TEX14: variants seen among roughly 807,000 people sequenced by gnomAD.
TEX14 encodes testis expressed 14, intercellular bridge forming factor, also known as inactive serine/threonine-protein kinase TEX14.
In TEX14, 168 loss-of-function variants were observed where a neutral mutation model predicts 178.6. That is an observed-to-expected ratio of 0.94 (90% CI 0.83 to 1.07). The LOEUF is 1.07. Ranked by LOEUF, TEX14 falls within the 50% of genes least tolerant of loss-of-function variation. TEX14 has a pLI of 0.00. For missense variants in TEX14, 1,730 were observed against 1,753.6 expected, an observed-to-expected ratio of 0.99 and a Z score of 0.24; for synonymous variants, 626 against 634.1, an observed-to-expected ratio of 0.99 and a Z score of 0.19.
rs1466677633 is a variant in TEX14 at position 58,599,552 on chromosome 17, C to A, written c.1793G>T (p.Cys598Phe). 30 of 1,613,932 alleles carry A rather than the reference C, an allele frequency of 1.9e-5. No homozygotes were observed. Among genetic ancestry groups the A allele is most frequent in the Non-Finnish European group, 2.5e-5 (29 of 1,180,006 alleles). ...CTCTTCTGCCATAAATGGAGCAGGG[C>A]AAGGAGCATCTTGATTCTGAGTCTC... ...ARETQNQDAP[C>F]PAPFMAEEAS... The change falls in exon 14 of 32, where the codon TGC (cysteine) becomes TTC (phenylalanine). Residue 598 changes from cysteine to phenylalanine, a missense_variant. Physicochemically the swap from Cys to Phe is radical, Grantham distance 205. Coordinates refer to ENST00000349033, the MANE Select transcript of TEX14 (RefSeq NM_031272.5).
At chr17:58,644,463 G>GTTGGGATT (rs2046648198) in intron 2 of TEX14, among the ~76,000 whole-genome samples, 1 of 151,994 alleles carries the variant, frequency 6.6e-6, no homozygotes. Flanking sequence ...CTCCCAAGTA[G>GTTGGGATT]CTGGGATTAC....
rs1042272003 is a variant in TEX14 at position 58,680,090 on chromosome 17, T to C, written c.-2+11849A>G. Among the ~76,000 whole-genome samples, 38 of 147,242 alleles carry C rather than the reference T, an allele frequency of 2.6e-4. 1 individual carries two copies. The highest frequency in any genetic ancestry group is 4.8e-4 in the Admixed American group (7 of 14,632). The stretch of plus-strand genomic sequence containing the variant: ...CTATGGTGTCTTTTTTCTTTTTTTT[T>C]CCCCCCAGAGACAAAGTCTTGCTTT... On this transcript the variant is annotated intron_variant, in intron 1 of 31. Coordinates refer to ENST00000349033, the MANE Select transcript of TEX14 (RefSeq NM_031272.5).
At chr17:58,647,668 C>A (rs1260941792) in intron 2 of TEX14, among the ~76,000 whole-genome samples, 2 of 150,630 alleles carry the variant, frequency 1.3e-5, no homozygotes, top group African/African-American at 4.9e-5. Flanking sequence ...AATCTTTCAA[C>A]AAATTCCAAT....
At chr17:58,572,701 A>ATT (rs2044565392) in intron 23 of TEX14, among the ~76,000 whole-genome samples, 1 of 152,170 alleles carries the variant, frequency 6.6e-6, no homozygotes, top group Non-Finnish European at 1.5e-5. Flanking sequence ...TGGTATAAAA[A>ATT]ATAATAGTCT....
At chr17:58,611,460 A>G (rs1275311657) in intron 9 of TEX14, 121 bp from the exon 10 acceptor site, 3 of 727,704 alleles carry the variant, frequency 4.1e-6, no homozygotes, top group Non-Finnish European at 6.8e-6. Context: ...TCCCCATTTT[A>G]CAGATGGAGA....
At chr17:58,653,779 T>C (rs1375946577) in intron 1 of TEX14, among the ~76,000 whole-genome samples, 4 of 152,236 alleles carry the variant, frequency 2.6e-5, no homozygotes, top group Non-Finnish European at 5.9e-5. Context: ...TAACCATGGC[T>C]CAGTGCCCCC....
chr17:58,621,671 C>G lies in TEX14; in HGVS notation c.533G>C (p.Trp178Ser). The G allele has an allele frequency of 6.2e-7, 1 of 1,613,970 alleles. No homozygotes were observed. Among genetic ancestry groups the G allele is most frequent in the African/African-American group, 1.3e-5 (1 of 75,044 alleles). ...TCACCCCTGCACGAGGCCCCCACACCAGGACGGGCTGTAGACAAGCCGCTG... is the reference window on the plus strand; with the variant it reads ...TCACCCCTGCACGAGGCCCCCACACGAGGACGGGCTGTAGACAAGCCGCTG... The part of the protein sequence containing the change: ...SPQRLVYSPS[W>S]CGGLVQGNPN... Residue 178 changes from tryptophan (W) to serine (S), a missense_variant, in exon 5 of 32, where the codon TGG becomes TCG. Trp to Ser is a radical substitution (Grantham distance 177). This residue lies in a region of TEX14 where 789 missense variants were observed against 681.2 expected (regional missense o/e 1.16). Transcript: ENST00000349033.
chr17:58,606,695 C>G (rs1218028170), intron 10 of TEX14, among the ~76,000 whole-genome samples: 2 of 151,666 alleles, frequency 1.3e-5, no homozygotes, highest in Non-Finnish European at 2.9e-5. Flanking sequence ...GACTGAGCCA[C>G]TGCACTCCAG....
intron 1 of TEX14, among the ~76,000 whole-genome samples, chr17:58,691,718 C>T (rs1054445591): frequency 5.3e-5 from 8 of 150,844 alleles, no homozygotes; most frequent in Non-Finnish European, 1.0e-4. Flanking sequence ...TTACCCCCTG[C>T]TAAATAAGTT....
At chr17:58,574,418 C>G (rs993688022) in intron 21 of TEX14, among the ~76,000 whole-genome samples, 169 bp from the exon 22 acceptor site, 7 of 152,162 alleles carry the variant, frequency 4.6e-5, no homozygotes, top group Admixed American at 4.6e-4. Context: ...TGGCTCACGT[C>G]TGTAATCCCA....
chr17:58,660,405 AAAAT>A lies in TEX14; in HGVS notation c.-1-8407_-1-8404del, dbSNP rs372878040. 71 of 385,850 alleles carry A rather than the reference AAAAT, an allele frequency of 1.8e-4. 1 individual carries two copies. The highest frequency in any genetic ancestry group is 1.2e-3 in the African/African-American group (58 of 48,014). The allele number at this position is 385,850 out of a possible 1,614,324, so 23.9% of individuals were successfully genotyped here. A position where few individuals can be genotyped will look rare whatever the true frequency, so the allele number is the denominator to read the frequency against. ...GACAAGTAAAAAACTCCATCTCAAA[AAAAT>A]AAATAAAATAATAATAATAATTTAA... On this transcript the variant is annotated intron_variant, in intron 1 of 31. Transcript: ENST00000349033.
chr17:58,601,305 G>A (rs1381667282), intron 13 of TEX14, among the ~76,000 whole-genome samples: 2 of 151,958 alleles, frequency 1.3e-5, no homozygotes, highest in African/African-American at 2.4e-5. Context: ...GGTGGATCAC[G>A]AGGTCAGGAA....
chr17:58,572,800 G>A (rs1276917677), intron 23 of TEX14, among the ~76,000 whole-genome samples: 1 of 152,198 alleles, frequency 6.6e-6, no homozygotes, highest in African/African-American at 2.4e-5. Context: ...ACTAAAGAGA[G>A]GATATTTGAT....
At chr17:58,584,919 C>T (rs1447575933) in intron 18 of TEX14, among the ~76,000 whole-genome samples, 1 of 152,142 alleles carries the variant, frequency 6.6e-6, no homozygotes, top group East Asian at 1.9e-4. Context: ...AACTTATAAA[C>T]AACTGTGAAA....
chr17:58,586,263 CAG>C (rs924035865), intron 17 of TEX14, among the ~76,000 whole-genome samples, 181 bp from the exon 18 acceptor site: 2 of 152,014 alleles, frequency 1.3e-5, no homozygotes, highest in Non-Finnish European at 2.9e-5. Context: ...GAATTGATGA[CAG>C]AGAGAGAGAA....
Position 58,677,115 on chromosome 17 carries a change from G to A in TEX14, c.-2+14824C>T, listed in dbSNP as rs377150484. 2.5e-3 allele frequency among the ~76,000 whole-genome samples: 292 copies of A among 117,132 alleles called. 2 individuals are homozygous for A. Among genetic ancestry groups the A allele is most frequent in the African/African-American group, 9.7e-3 (280 of 28,820 alleles). 76.8% of individuals were successfully genotyped at this position (117,132 alleles called of 152,430 possible). On this transcript the variant is annotated intron_variant, in intron 1 of 31. Transcript: ENST00000349033. The stretch of plus-strand genomic sequence containing the variant: ...GCCTGGGCAACAAGAGGGAAACTCC[G>A]TCTCAAAAAAAAAAAAAAAAAAAAA...
chr17:58,660,363 T>G (rs1485458242), intron 1 of TEX14: 1 of 279,834 alleles, frequency 3.6e-6, no homozygotes, highest in Non-Finnish European at 6.5e-6. Context: ...ATCGCGCCAT[T>G]GCACTCTAAC....
intron 1 of TEX14, among the ~76,000 whole-genome samples, chr17:58,683,931 G>T (rs1321989348): frequency 6.6e-6 from 1 of 151,244 alleles, no homozygotes; most frequent in African/African-American, 2.4e-5. Flanking sequence ...TGGGCGTGGT[G>T]GTGCATCCCT....
intron 28 of TEX14, 141 bp downstream of exon 28, chr17:58,564,727 AC>A (rs1347020958): frequency 8.8e-6 from 4 of 452,434 alleles, no homozygotes; most frequent in Non-Finnish European, 1.5e-5. Flanking sequence ...TAAAAAAGTA[AC>A]CCTTTAGGAA....
Sources: gnomAD v4.1 joint callset for allele counts (sites outside exome capture counted in the v4.1 genomes callset) on GRCh38, gnomAD v4.1.1 for gene constraint, gnomAD v4.1.1 regional missense constraint, MANE v1.5 for transcripts, NCBI Gene and HGNC (gene_info 2026-07-23, HGNC 2026-07-21) for gene names.